CGRRF1: variants seen among roughly 807,000 people sequenced by gnomAD.
CGRRF1 encodes the protein cell growth regulator with ring finger domain 1.
CGRRF1 carries 32 observed loss-of-function variants against 37.2 expected under a neutral mutation model. The ratio of observed to expected loss-of-function variants is 0.86; its 90% CI spans 0.65 to 1.16. CGRRF1 has a LOEUF of 1.16. Among genes scored for constraint, CGRRF1 ranks in the 50% most tolerant of loss-of-function variants. CGRRF1 has a pLI of 0.00. For missense variants in CGRRF1, 391 were observed against 382.6 expected, an observed-to-expected ratio of 1.02 and a Z score of -0.18; for synonymous variants, 141 against 140.3, an observed-to-expected ratio of 1.00 and a Z score of -0.04.
Position 54,530,162 on chromosome 14 carries a change from A to G in CGRRF1, c.358A>G (p.Ile120Val). The G allele has an allele frequency of 1.2e-6, 2 of 1,613,610 alleles. No individual in the cohort carries two copies. The highest frequency in any genetic ancestry group is 2.2e-5 in the East Asian group (1 of 44,856). ...ALQKHVYCFR[I>V]STPQALEDAL... ...GCAGAAGCATGTTTATTGCTTCAGA[A>G]TAAGCACTCCCCAAGCATTAGAAGA... Residue 120 changes from isoleucine to valine, a missense_variant, in exon 3 of 6, where the codon ATA becomes GTA. Coordinates refer to ENST00000216420, the MANE Select transcript of CGRRF1 (RefSeq NM_006568.3).
intron 2 of CGRRF1, among the ~76,000 whole-genome samples, chr14:54,527,582 A>G (rs1478421730): frequency 6.6e-6 from 1 of 152,084 alleles, no homozygotes; most frequent in African/African-American, 2.4e-5. Context: ...AAGGTCTCTG[A>G]CACTCTTCCC....
intron 4 of CGRRF1, chr14:54,537,517 G>A (rs972686735): frequency 5.6e-5 from 22 of 396,098 alleles, no homozygotes; most frequent in Non-Finnish European, 8.6e-5. Context: ...CCAAAAATAT[G>A]TCAGTAACTG....
At chr14:54,532,077 C>T (rs2032525537) in intron 4 of CGRRF1, among the ~76,000 whole-genome samples, 1 of 152,094 alleles carries the variant, frequency 6.6e-6, no homozygotes, top group Admixed American at 6.6e-5. Flanking sequence ...CCCAGTCATT[C>T]AGGCAGTAAG....
At chr14:54,529,080 A>G (rs1339331026) in intron 2 of CGRRF1, among the ~76,000 whole-genome samples, 1 of 152,194 alleles carries the variant, frequency 6.6e-6, no homozygotes. Context: ...AATTGCTGGC[A>G]GGTTTGGAGA....
chr14:54,525,916 C>T lies in CGRRF1; in HGVS notation c.244+3323C>T, dbSNP rs542690029. On this transcript the variant is annotated intron_variant, in intron 2 of 5. Coordinates refer to ENST00000216420, the MANE Select transcript of CGRRF1 (RefSeq NM_006568.3). The stretch of plus-strand genomic sequence containing the variant: ...TTCAAGACCAGCCTGGCCAACATGG[C>T]GAAACCTCATCTCTACTAAAAATAC... Among the ~76,000 whole-genome samples the T allele has an allele frequency of 1.1e-3, 172 of 151,818 alleles. 1 individual carries two copies. Among genetic ancestry groups the T allele is most frequent in the African/African-American group, 4.0e-3 (165 of 41,438 alleles).
intron 2 of CGRRF1, 150 bp downstream of exon 2, chr14:54,522,743 A>G: frequency 2.9e-6 from 2 of 692,662 alleles, no homozygotes; most frequent in Non-Finnish European, 4.7e-6. Flanking sequence ...ACTGTATATG[A>G]CAGATACAAA....
At chr14:54,537,084 T>C in intron 4 of CGRRF1, 1 of 152,202 alleles carries the variant, frequency 6.6e-6, no homozygotes, top group East Asian at 1.9e-4. Flanking sequence ...AAAAAAACTC[T>C]TTGGTGATTT....
At chr14:54,523,459 G>A (rs2032356576) in intron 2 of CGRRF1, among the ~76,000 whole-genome samples, 1 of 152,020 alleles carries the variant, frequency 6.6e-6, no homozygotes, top group Admixed American at 6.5e-5. Flanking sequence ...AATTTGTTAA[G>A]GTGAAGAGGC....
intron 1 of CGRRF1, among the ~76,000 whole-genome samples, chr14:54,521,880 GTTAAA>G (rs1308260808): frequency 1.3e-5 from 2 of 152,094 alleles, no homozygotes; most frequent in Non-Finnish European, 2.9e-5. Context: ...TGTGTTTGCT[GTTAAA>G]TTAAGTATAA....
intron 1 of CGRRF1, among the ~76,000 whole-genome samples, chr14:54,512,002 A>G (rs1424822707): frequency 6.6e-6 from 1 of 152,206 alleles, no homozygotes; most frequent in Non-Finnish European, 1.5e-5. Flanking sequence ...AAGGCCATGT[A>G]TTTATTGACT....
At chr14:54,524,668 C>T (rs2032382884) in intron 2 of CGRRF1, among the ~76,000 whole-genome samples, 1 of 152,122 alleles carries the variant, frequency 6.6e-6, no homozygotes, top group South Asian at 2.1e-4. Flanking sequence ...GCTGGGATTA[C>T]AGGCGTGACC....
chr14:54,522,267 G>T (rs1461517805), intron 1 of CGRRF1, among the ~76,000 whole-genome samples, 187 bp from the exon 2 acceptor site: 1 of 151,988 alleles, frequency 6.6e-6, no homozygotes, highest in Non-Finnish European at 1.5e-5. Flanking sequence ...ATGTGCACTT[G>T]GTTCATACAG....
intron 1 of CGRRF1, among the ~76,000 whole-genome samples, chr14:54,513,976 G>T (rs1267975225): frequency 6.6e-6 from 1 of 152,012 alleles, no homozygotes; most frequent in Non-Finnish European, 1.5e-5. Context: ...ACAGAGCTGA[G>T]AATCTTGAAA....
In CGRRF1 at chr14:54,522,566, A is replaced by G. The variant is rs1324761157; in HGVS notation, c.217A>G (p.Thr73Ala). 1 of 1,595,392 alleles carries G rather than the reference A, an allele frequency of 6.3e-7. No individual in the cohort carries two copies. Among genetic ancestry groups the G allele is most frequent in the Admixed American group, 1.8e-5 (1 of 55,624 alleles). Residue 73 changes from threonine (T) to alanine (A), a missense_variant, in exon 2 of 6, where the codon ACT (threonine) becomes GCT (alanine). Transcript: ENST00000216420. ...QVKNPFGLEI[T>A]NPSSASITTG... is the part of the protein sequence containing the mutation. Reference sequence around the variant, plus strand: ...CAAGAATCCTTTTGGCTTAGAGATCACTAATCCATCTTCAGCTTCAATTAC... The same window carrying G: ...CAAGAATCCTTTTGGCTTAGAGATCGCTAATCCATCTTCAGCTTCAATTAC...
rs371449555 is a variant in CGRRF1 at position 54,537,809 on chromosome 14, G to T, written c.658G>T (p.Gly220Cys). The change falls in exon 5 of 6, where the codon GGT becomes TGT. Residue 220 changes from glycine (G) to cysteine (C), a missense_variant. By Grantham distance (159) the Gly-to-Cys change is radical. Coordinates refer to ENST00000216420, the MANE Select transcript of CGRRF1 (RefSeq NM_006568.3). Reference protein sequence around the residue: ...ILYQYLLLAQGQFHDLKQLFM... With the variant: ...ILYQYLLLAQCQFHDLKQLFM... ...GTATCAATATTTACTCTTGGCTCAA[G>T]GTCAATTTCATGATCTTAAGGTAAG... is the stretch of plus-strand genomic sequence containing the variant. The T allele has an allele frequency of 1.2e-6, 2 of 1,602,288 alleles. No individual in the cohort carries two copies. Among genetic ancestry groups the T allele is most frequent in the Non-Finnish European group, 1.7e-6 (2 of 1,177,042 alleles).
At chr14:54,521,527 C>A (rs371850891) in intron 1 of CGRRF1, among the ~76,000 whole-genome samples, 6 of 151,218 alleles carry the variant, frequency 4.0e-5, no homozygotes, top group Admixed American at 6.6e-5. Context: ...TTTTGAGAGA[C>A]GAAATCTTGC....
At chr14:54,510,905 A>T (rs2032118959) in intron 1 of CGRRF1, among the ~76,000 whole-genome samples, 2 of 152,242 alleles carry the variant, frequency 1.3e-5, no homozygotes, top group Admixed American at 1.3e-4. Context: ...TTACAAAAAG[A>T]TCAAACAGCA....
At chr14:54,522,258 T>C (rs2032328830) in intron 1 of CGRRF1, among the ~76,000 whole-genome samples, 196 bp from the exon 2 acceptor site, 1 of 152,218 alleles carries the variant, frequency 6.6e-6, no homozygotes, top group Non-Finnish European at 1.5e-5. Context: ...ATATTTTTGA[T>C]GTGCACTTGG....
chr14:54,535,359 T>TCACACACA lies in CGRRF1; in HGVS notation c.571-2335_571-2328dup, dbSNP rs143950400. 9.7e-3 allele frequency among the ~76,000 whole-genome samples: 1,370 copies of TCACACACA among 140,564 alleles called. 7 individuals are homozygous for TCACACACA. The highest frequency in any genetic ancestry group is 0.021 in the East Asian group (96 of 4,592). 92.2% of individuals were successfully genotyped at this position (140,564 alleles called of 152,430 possible). A position where few individuals can be genotyped will look rare whatever the true frequency, so the allele number is the denominator to read the frequency against. ...ACATGAGCATTTTTGAAGGGTATAG[T>TCACACACA]CACACACACACACACACACACACAC... On this transcript the variant is annotated intron_variant, in intron 4 of 5. Coordinates refer to ENST00000216420, the MANE Select transcript of CGRRF1 (RefSeq NM_006568.3).
Sources: allele counts gnomAD v4.1 joint callset (sites outside exome capture counted in the v4.1 genomes callset), GRCh38; gene constraint gnomAD v4.1.1; transcripts MANE v1.5; gene names NCBI Gene and HGNC (gene_info 2026-07-23, HGNC 2026-07-21).